Variants in ZDHHC14 observed in about 807,000 individuals in gnomAD.
ZDHHC14 encodes the protein zDHHC palmitoyltransferase 14, also known as palmitoyltransferase ZDHHC14.
ZDHHC14 carries 16 observed loss-of-function variants against 47.7 expected under a neutral mutation model. The ratio of observed to expected loss-of-function variants is 0.34; its 90% confidence interval spans 0.23 to 0.51. The LOEUF (loss-of-function observed/expected upper bound fraction) is 0.51, where lower values mean the gene tolerates loss of function less well. Ranked by LOEUF, ZDHHC14 falls within the 20% of genes least tolerant of loss-of-function variation. The probability of loss-of-function intolerance (pLI) is 0.97; values close to 1 mark genes in which losing one functional copy is unlikely to be tolerated. For synonymous variants in ZDHHC14, 293 were observed against 278.9 expected (o/e 1.05, Z -0.50); for missense variants, 515 against 662.5 (o/e 0.78, Z 2.44).
intron 3 of ZDHHC14, among the ~76,000 whole-genome samples, chr6:157,614,032 C>T (rs1250628724): frequency 6.6e-6 from 1 of 152,216 alleles, no homozygotes; most frequent in Non-Finnish European, 1.5e-5. Flanking sequence ...CCCATCACAC[C>T]TTCACCCAGT....
rs1314507850 is a variant in ZDHHC14, at chr6:157,427,834, C to G, written c.245+45568C>G. Among the ~76,000 whole-genome samples, 2 of 152,056 alleles carry G rather than the reference C, an allele frequency of 1.3e-5. No homozygotes were observed. Among genetic ancestry groups the G allele is most frequent in the Admixed American group, 1.3e-4 (2 of 15,278 alleles). On this transcript the variant is annotated intron_variant, in intron 1 of 8. Coordinates refer to ENST00000359775, the MANE Select transcript of ZDHHC14 (RefSeq NM_024630.3). The surrounding 1 kb of genome is among the most constrained non-coding windows in gnomAD (Gnocchi z 4.4). ...ATCCTTTCCATGACATTGTGGCCCC[C>G]AAGGACAATGGAATGGTGGGGCTCT...
At chr6:157,618,266 G>A (rs543285618) in intron 3 of ZDHHC14, among the ~76,000 whole-genome samples, 14 of 152,048 alleles carry the variant, frequency 9.2e-5, no homozygotes, top group Middle Eastern at 3.4e-3. Flanking sequence ...GAGAATGACC[G>A]AAGACCACCA....
chr6:157,405,921 G>A (rs1456364901), intron 1 of ZDHHC14, among the ~76,000 whole-genome samples: 1 of 152,148 alleles, frequency 6.6e-6, no homozygotes, highest in East Asian at 1.9e-4. Flanking sequence ...GGCTATAAAT[G>A]GGGAATTCTG....
chr6:157,532,701 G>T (rs1173614454), intron 1 of ZDHHC14, among the ~76,000 whole-genome samples: 2 of 152,160 alleles, frequency 1.3e-5, no homozygotes, highest in East Asian at 1.9e-4. Flanking sequence ...AGATAACCTG[G>T]GTTTTGCCTT....
chr6:157,608,289 C>T (rs367972574), intron 3 of ZDHHC14, among the ~76,000 whole-genome samples: 5 of 152,080 alleles, frequency 3.3e-5, no homozygotes, highest in East Asian at 1.9e-4. Context: ...GCTCTGTGCT[C>T]GGGAGCTCTG....
intron 1 of ZDHHC14, among the ~76,000 whole-genome samples, chr6:157,425,746 T>G (rs571622327): frequency 5.3e-5 from 8 of 152,174 alleles, no homozygotes; most frequent in Non-Finnish European, 1.2e-4. Flanking sequence ...GGCCATCCGG[T>G]CCCTGTTTCC....
At chr6:157,650,086 G>C (rs1451889841) in intron 7 of ZDHHC14, among the ~76,000 whole-genome samples, 1 of 151,944 alleles carries the variant, frequency 6.6e-6, no homozygotes, top group African/African-American at 2.4e-5. Context: ...CGGGAGAGGG[G>C]CTGGCTCTGT....
intron 1 of ZDHHC14, among the ~76,000 whole-genome samples, chr6:157,451,809 C>T (rs1450425547): frequency 2.0e-5 from 3 of 152,212 alleles, no homozygotes; most frequent in Non-Finnish European, 2.9e-5. Context: ...ATCCACCCAC[C>T]TCAGCCTCCC....
intron 3 of ZDHHC14, 64 bp downstream of exon 3, chr6:157,593,210 C>T (rs1466507819): frequency 2.0e-6 from 3 of 1,527,630 alleles, no homozygotes; most frequent in African/African-American, 1.4e-5. Flanking sequence ...TGCGCCTCTC[C>T]AACCCTGCGC....
At chr6:157,641,536 T>C (rs1246986814) in intron 5 of ZDHHC14, among the ~76,000 whole-genome samples, 2 of 152,250 alleles carry the variant, frequency 1.3e-5, no homozygotes, top group Non-Finnish European at 2.9e-5. Context: ...ATGTATCAGT[T>C]GAGTTATTTG....
chr6:157,614,265 C>A (rs1784870008), intron 3 of ZDHHC14, among the ~76,000 whole-genome samples: 1 of 152,074 alleles, frequency 6.6e-6, no homozygotes, highest in Admixed American at 6.5e-5. Flanking sequence ...CCTCCAGGAA[C>A]TTCACTCACA....
intron 2 of ZDHHC14, among the ~76,000 whole-genome samples, chr6:157,554,199 G>C (rs1782361396): frequency 6.6e-6 from 1 of 152,176 alleles, no homozygotes; most frequent in Non-Finnish European, 1.5e-5. Flanking sequence ...CGAAGTCTAA[G>C]TGTCCTGGAG....
At chr6:157,575,952 G>A (rs753766672) in intron 2 of ZDHHC14, among the ~76,000 whole-genome samples, 1 of 152,106 alleles carries the variant, frequency 6.6e-6, no homozygotes, top group African/African-American at 2.4e-5. Flanking sequence ...GGCTGCCTGC[G>A]GCCCGCCCTG....
intron 1 of ZDHHC14, among the ~76,000 whole-genome samples, chr6:157,492,331 T>C (rs1232296190): frequency 6.6e-6 from 1 of 152,086 alleles, no homozygotes. Context: ...ACCTTGCCCT[T>C]CTTTACTCCA....
intron 1 of ZDHHC14, among the ~76,000 whole-genome samples, chr6:157,532,360 G>A (rs1781395744): frequency 6.6e-6 from 1 of 152,212 alleles, no homozygotes; most frequent in African/African-American, 2.4e-5. Flanking sequence ...TCCAGCGTTT[G>A]GGTTCAATTC....
intron 1 of ZDHHC14, among the ~76,000 whole-genome samples, chr6:157,401,431 A>G (rs1777633343): frequency 6.6e-6 from 1 of 152,270 alleles, no homozygotes. Context: ...CTCATTTTAT[A>G]GACGAAGAAA....
At chr6:157,562,065 C>T (rs1350660395) in intron 2 of ZDHHC14, among the ~76,000 whole-genome samples, 1 of 152,188 alleles carries the variant, frequency 6.6e-6, no homozygotes, top group Non-Finnish European at 1.5e-5. Context: ...TCAACTCACA[C>T]AGCTTTTCAC....
chr6:157,596,609 C>G (rs1054431195), intron 3 of ZDHHC14, among the ~76,000 whole-genome samples: 14 of 152,184 alleles, frequency 9.2e-5, no homozygotes, highest in Non-Finnish European at 8.8e-5. Flanking sequence ...GCTCTGAGAA[C>G]ACACAGGCCA....
chr6:157,501,940 A>C (rs1460370790), intron 1 of ZDHHC14, among the ~76,000 whole-genome samples: 3 of 152,234 alleles, frequency 2.0e-5, no homozygotes, highest in African/African-American at 7.2e-5. Flanking sequence ...AAGGATTCTA[A>C]GGCCAAGACT....
Sources: allele counts gnomAD v4.1 joint callset (sites outside exome capture counted in the v4.1 genomes callset), GRCh38; gene constraint gnomAD v4.1.1; non-coding constraint Gnocchi (gnomAD v3.1); transcripts MANE v1.5; gene names NCBI Gene and HGNC (gene_info 2026-07-23, HGNC 2026-07-21).